DAAM1: variants seen among roughly 807,000 people sequenced by gnomAD.
DAAM1 encodes the protein dishevelled associated activator of morphogenesis 1.
Under a neutral mutation model 130.0 loss-of-function variants are expected in DAAM1, and 52 were observed. The ratio of observed to expected loss-of-function variants is 0.40; its 90% CI spans 0.32 to 0.50. The LOEUF (loss-of-function observed/expected upper bound fraction) is 0.50. DAAM1 is among the 20% of genes least tolerant of loss of function. The pLI, the probability that DAAM1 is intolerant of heterozygous loss-of-function variation, is 0.61. For missense variants in DAAM1, 1,134 were observed against 1,303.8 expected, an observed-to-expected ratio of 0.87 and a Z score of 2.01; for synonymous variants, 452 against 444.5, an observed-to-expected ratio of 1.02 and a Z score of -0.21.
intron 4 of DAAM1, among the ~76,000 whole-genome samples, chr14:59,317,876 A>G (rs1292226223): frequency 1.3e-5 from 2 of 152,168 alleles, no homozygotes; most frequent in Admixed American, 6.5e-5. Flanking sequence ...AGCCCTGGTT[A>G]TCCCACCTTC....
At chr14:59,326,745 G>A (rs1246429484) in intron 11 of DAAM1, 97 bp downstream of exon 11, 2 of 1,551,652 alleles carry the variant, frequency 1.3e-6, no homozygotes, top group Non-Finnish European at 1.7e-6. Flanking sequence ...GAGCTGAAAT[G>A]TTCTAGGGGT....
chr14:59,310,803 C>T (rs17833966), intron 3 of DAAM1, among the ~76,000 whole-genome samples: 10,113 of 152,188 alleles, frequency 0.066, 460 homozygotes, highest in Middle Eastern at 0.13. Context: ...CTCCTCAATT[C>T]GTAACAGCAC....
chr14:59,335,973 C>T (rs1279674071), intron 15 of DAAM1, among the ~76,000 whole-genome samples: 1 of 150,386 alleles, frequency 6.6e-6, no homozygotes, highest in Admixed American at 6.6e-5. Context: ...AGGCTTGATC[C>T]TTAGCCATGG....
chr14:59,207,001 A>G (rs982249845), intron 1 of DAAM1, among the ~76,000 whole-genome samples: 1 of 152,212 alleles, frequency 6.6e-6, no homozygotes, highest in Non-Finnish European at 1.5e-5. Context: ...AATAATTCTC[A>G]AAGAGTTTAA....
intron 5 of DAAM1, among the ~76,000 whole-genome samples, chr14:59,321,727 A>G (rs182018578): frequency 9.4e-4 from 143 of 152,352 alleles, no homozygotes; most frequent in Non-Finnish European, 1.8e-3. Flanking sequence ...TTTGACTATA[A>G]AATGCAAACT....
chr14:59,307,268 T>C (rs550699211), intron 3 of DAAM1, among the ~76,000 whole-genome samples: 2 of 152,224 alleles, frequency 1.3e-5, no homozygotes, highest in African/African-American at 4.8e-5. Context: ...GCAAATTGAG[T>C]CTGATACAAT....
At chr14:59,198,700 G>A (rs1887994091) in intron 1 of DAAM1, among the ~76,000 whole-genome samples, 1 of 152,228 alleles carries the variant, frequency 6.6e-6, no homozygotes, top group Admixed American at 6.5e-5. Flanking sequence ...CTGAGTAAAT[G>A]TAGATTCAAT....
intron 1 of DAAM1, among the ~76,000 whole-genome samples, chr14:59,222,877 T>C (rs1888822387): frequency 2.0e-5 from 3 of 152,228 alleles, no homozygotes; most frequent in Non-Finnish European, 4.4e-5. Context: ...TATAATTGCA[T>C]GTCTGGCCAT....
chr14:59,267,043 G>A (rs978743415), intron 2 of DAAM1, among the ~76,000 whole-genome samples: 3 of 152,196 alleles, frequency 2.0e-5, no homozygotes, highest in African/African-American at 7.2e-5. Context: ...CTGCAAGAGG[G>A]ATGAGAGATA....
intron 2 of DAAM1, 49 bp downstream of exon 2, chr14:59,263,709 GAA>G: frequency 6.2e-7 from 1 of 1,610,942 alleles, no homozygotes; most frequent in Non-Finnish European, 8.5e-7. Flanking sequence ...CAGAGAAGGA[GAA>G]GAGGAGAGGA....
At chr14:59,207,465 A>G (rs937462266) in intron 1 of DAAM1, among the ~76,000 whole-genome samples, 5 of 152,230 alleles carry the variant, frequency 3.3e-5, no homozygotes, top group Non-Finnish European at 7.3e-5. Context: ...ACTGTGTAAT[A>G]TATTTATCAT....
intron 1 of DAAM1, among the ~76,000 whole-genome samples, chr14:59,198,299 G>A (rs1887976576): frequency 6.7e-6 from 1 of 149,522 alleles, no homozygotes; most frequent in Non-Finnish European, 1.5e-5. Flanking sequence ...TCCGCCTCCT[G>A]TGTTCAAACA....
Position 59,370,144 on chromosome 14 carries a change from C to CTTTTTTTTTTTTTTTTTTTTTTTTTTT in DAAM1, c.*1311_*1312insTTTTTTTTTTTTTTTTTTTTTTTTTTT, listed in dbSNP as rs398025271. The CTTTTTTTTTTTTTTTTTTTTTTTTTTT allele has an allele frequency of 1.6e-4, 15 of 95,400 alleles. No individual in the cohort carries two copies. Among genetic ancestry groups the CTTTTTTTTTTTTTTTTTTTTTTTTTTT allele is most frequent in the Non-Finnish European group, 2.6e-4 (12 of 46,364 alleles). 5.9% of individuals were successfully genotyped at this position (95,400 alleles called of 1,614,324 possible). The stretch of plus-strand genomic sequence containing the variant: ...TATAAAGAGGACTGTTACTTTTTTA[C>CTTTTTTTTTTTTTTTTTTTTTTTTTTT]TTTTTTTTTTTTTTTTTTTTTTTTT... On this transcript the variant is annotated 3_prime_UTR_variant, in exon 25 of 25. Transcript: ENST00000360909.
chr14:59,193,185 T>C (rs1594749218), intron 1 of DAAM1, among the ~76,000 whole-genome samples: 1 of 152,242 alleles, frequency 6.6e-6, no homozygotes, highest in Admixed American at 6.5e-5. Context: ...TAATGTCTGG[T>C]TGACAGATCA....
At chr14:59,191,213 C>A (rs539068336) in intron 1 of DAAM1, among the ~76,000 whole-genome samples, 1 of 152,208 alleles carries the variant, frequency 6.6e-6, no homozygotes, top group East Asian at 1.9e-4. Flanking sequence ...GTGGTTGACA[C>A]TTACGATCTT....
chr14:59,333,631 C>T (rs537714942), intron 15 of DAAM1, among the ~76,000 whole-genome samples: 1 of 152,308 alleles, frequency 6.6e-6, no homozygotes, highest in South Asian at 2.1e-4. Flanking sequence ...CAGTTTTGAT[C>T]GCTGATACTG....
intron 1 of DAAM1, among the ~76,000 whole-genome samples, chr14:59,258,162 C>G (rs61986029): frequency 0.062 from 9,442 of 152,232 alleles, 388 homozygotes; most frequent in Non-Finnish European, 0.093. Context: ...GAATATTTGG[C>G]TCATAATTTT....
chr14:59,270,798 C>T (rs952287924), intron 2 of DAAM1, among the ~76,000 whole-genome samples: 3 of 152,138 alleles, frequency 2.0e-5, no homozygotes, highest in African/African-American at 7.2e-5. Context: ...ACTGGGGTGT[C>T]TTTCTCACAG....
At chr14:59,201,991 C>G (rs1172025133) in intron 1 of DAAM1, among the ~76,000 whole-genome samples, 1 of 152,184 alleles carries the variant, frequency 6.6e-6, no homozygotes, top group Non-Finnish European at 1.5e-5. Context: ...ACCTCTAAAT[C>G]TGTAGATGAA....
Sources: allele counts gnomAD v4.1 joint callset (sites outside exome capture counted in the v4.1 genomes callset), GRCh38; gene constraint gnomAD v4.1.1; transcripts MANE v1.5; gene names NCBI Gene and HGNC (gene_info 2026-07-23, HGNC 2026-07-21).